Variants in ROBO1 observed in about 807,000 individuals in gnomAD.
The protein encoded by ROBO1 is roundabout homolog 1.
Under a neutral mutation model 195.9 loss-of-function variants are expected in ROBO1, and 149 were observed. The ratio of observed to expected loss-of-function variants is 0.76; its 90% CI spans 0.67 to 0.87. ROBO1 has a LOEUF of 0.87. Ranked by LOEUF, ROBO1 falls within the 40% of genes least tolerant of loss-of-function variation. ROBO1 has a pLI of 0.00. For synonymous variants in ROBO1, 816 were observed against 733.2 expected, an observed-to-expected ratio of 1.11 and a Z score of -1.82; for missense variants, 1,933 against 2,068.3, an observed-to-expected ratio of 0.93 and a Z score of 1.27.
chr3:79,180,057 C>A (rs2081315555), intron 2 of ROBO1, among the ~76,000 whole-genome samples: 1 of 152,152 alleles, frequency 6.6e-6, no homozygotes, highest in Non-Finnish European at 1.5e-5. Flanking sequence ...TCAATTTACC[C>A]ACTGCCTTGA....
chr3:79,661,105 C>A (rs529432112), intron 1 of ROBO1, among the ~76,000 whole-genome samples: 1 of 152,044 alleles, frequency 6.6e-6, no homozygotes, highest in Non-Finnish European at 1.5e-5. Context: ...ACTACCCATA[C>A]GCCCCTTCTT....
At chr3:79,036,301 A>G (rs2078380337) in intron 3 of ROBO1, among the ~76,000 whole-genome samples, 1 of 151,890 alleles carries the variant, frequency 6.6e-6, no homozygotes, top group African/African-American at 2.4e-5. Flanking sequence ...TATTTGGATG[A>G]ATTTTGCCTT....
intron 1 of ROBO1, among the ~76,000 whole-genome samples, chr3:79,626,707 A>G (rs2108005695): frequency 6.6e-6 from 1 of 152,270 alleles, no homozygotes; most frequent in Middle Eastern, 3.4e-3. Flanking sequence ...AGGAAGTTAA[A>G]TTGTCTCTGT....
intron 2 of ROBO1, among the ~76,000 whole-genome samples, chr3:79,565,905 G>T (rs1277232424): frequency 6.6e-6 from 1 of 152,030 alleles, no homozygotes; most frequent in Non-Finnish European, 1.5e-5. Flanking sequence ...ACATATTCAA[G>T]TAATAAATTA....
At chr3:79,197,778 T>G (rs2081667755) in intron 2 of ROBO1, among the ~76,000 whole-genome samples, 1 of 152,150 alleles carries the variant, frequency 6.6e-6, no homozygotes, top group Non-Finnish European at 1.5e-5. Flanking sequence ...TTTGCATTTC[T>G]CTAATGACCA....
intron 1 of ROBO1, among the ~76,000 whole-genome samples, chr3:79,664,660 C>G (rs2106854168): frequency 6.6e-6 from 1 of 152,108 alleles, no homozygotes. Flanking sequence ...ACCACCTGAA[C>G]AGAATTGCAG....
intron 1 of ROBO1, among the ~76,000 whole-genome samples, chr3:79,740,196 A>G (rs1339220511): frequency 2.9e-5 from 4 of 137,706 alleles, no homozygotes; most frequent in Admixed American, 8.1e-5. Context: ...GCATCCTCTG[A>G]TAAAAAATAT....
chr3:78,904,300 A>G (rs946959981), intron 4 of ROBO1, among the ~76,000 whole-genome samples: 1 of 152,158 alleles, frequency 6.6e-6, no homozygotes, highest in Non-Finnish European at 1.5e-5. Context: ...AGGTGCTCAT[A>G]TAACTAATAG....
At chr3:79,009,895 C>T (rs1292308048) in intron 3 of ROBO1, among the ~76,000 whole-genome samples, 1 of 152,166 alleles carries the variant, frequency 6.6e-6, no homozygotes. Flanking sequence ...TCTCTAAGGA[C>T]AATTCTACTC....
chr3:79,664,340 A>G (rs1309850657), intron 1 of ROBO1, among the ~76,000 whole-genome samples: 2 of 152,034 alleles, frequency 1.3e-5, no homozygotes, highest in Non-Finnish European at 2.9e-5. Context: ...TCTTAAAATG[A>G]GTAGACAATC....
At chr3:79,092,417 A>G (rs2079494995) in intron 3 of ROBO1, among the ~76,000 whole-genome samples, 1 of 152,134 alleles carries the variant, frequency 6.6e-6, no homozygotes, top group Non-Finnish European at 1.5e-5. Flanking sequence ...GATGTTGGAT[A>G]TACTGGTCTG....
At chr3:78,922,077 C>G (rs1247874323) in intron 4 of ROBO1, among the ~76,000 whole-genome samples, 4 of 152,042 alleles carry the variant, frequency 2.6e-5, no homozygotes, top group Admixed American at 1.3e-4. Flanking sequence ...CAGCTCTAAC[C>G]ATCTAAGAAA....
chr3:78,819,116 T>C (rs888787173), intron 4 of ROBO1, among the ~76,000 whole-genome samples: 1 of 152,132 alleles, frequency 6.6e-6, no homozygotes, highest in Non-Finnish European at 1.5e-5. Flanking sequence ...TGTTTGGTTT[T>C]TGTTGTTCTG....
chr3:79,393,964 T>C (rs370822663), intron 2 of ROBO1, among the ~76,000 whole-genome samples: 2 of 151,906 alleles, frequency 1.3e-5, no homozygotes, highest in Non-Finnish European at 2.9e-5. Context: ...TAAAACCGAG[T>C]GCTCCAGAGT....
At chr3:78,931,351 C>G (rs1323599482) in intron 4 of ROBO1, among the ~76,000 whole-genome samples, 2 of 148,224 alleles carry the variant, frequency 1.3e-5, no homozygotes, top group East Asian at 4.1e-4. Context: ...AGTGATTCTC[C>G]TGCCTCAGCC....
At chr3:79,702,849 G>T (rs1947657654) in intron 1 of ROBO1, among the ~76,000 whole-genome samples, 1 of 151,904 alleles carries the variant, frequency 6.6e-6, no homozygotes, top group African/African-American at 2.4e-5. Flanking sequence ...AATGTAATTT[G>T]GAATCCTTGT....
chr3:78,676,493 G>A (rs1390750296), intron 10 of ROBO1, among the ~76,000 whole-genome samples: 1 of 152,202 alleles, frequency 6.6e-6, no homozygotes, highest in Non-Finnish European at 1.5e-5. Context: ...AGCTGATGGA[G>A]CTGAAAGCCA....
At chr3:79,631,868 T>C (rs527960659) in intron 1 of ROBO1, among the ~76,000 whole-genome samples, 155 of 152,024 alleles carry the variant, frequency 1.0e-3, no homozygotes, top group African/African-American at 3.4e-3. Context: ...AAAATACATA[T>C]GAAAAAATGC....
intron 4 of ROBO1, among the ~76,000 whole-genome samples, chr3:78,897,465 T>G (rs1253971433): frequency 6.6e-6 from 1 of 152,168 alleles, no homozygotes; most frequent in Non-Finnish European, 1.5e-5. Flanking sequence ...TCTTTGTCAT[T>G]CGGTAGATAT....
Sources: allele counts gnomAD v4.1 joint callset (sites outside exome capture counted in the v4.1 genomes callset), GRCh38; gene constraint gnomAD v4.1.1; transcripts MANE v1.5; gene names NCBI Gene and HGNC (gene_info 2026-07-23, HGNC 2026-07-21).